Variants in FAM13A observed in about 807,000 individuals in gnomAD.
FAM13A encodes family with sequence similarity 13 member A.
FAM13A carries 76 observed loss-of-function variants against 129.6 expected under a neutral mutation model. The ratio of observed to expected loss-of-function variants is 0.59; its 90% CI spans 0.49 to 0.71. The LOEUF is 0.71. Ranked by LOEUF, FAM13A falls within the 30% of genes least tolerant of loss-of-function variation. FAM13A has a pLI of 0.00. For synonymous variants in FAM13A, 443 were observed against 449.9 expected (o/e 0.98, Z 0.20); for missense variants, 1,108 against 1,249.3 (o/e 0.89, Z 1.70).
intron 1 of FAM13A, among the ~76,000 whole-genome samples, chr4:89,052,759 G>A (rs2670623): frequency 0.83 from 126,766 of 151,912 alleles, 53,463 homozygotes; most frequent in African/African-American, 0.96. Flanking sequence ...ATTTTTAATA[G>A]TATCGATAGG....
intron 3 of FAM13A, among the ~76,000 whole-genome samples, chr4:88,994,745 T>C (rs1172961554): frequency 6.6e-6 from 1 of 151,338 alleles, no homozygotes; most frequent in Non-Finnish European, 1.5e-5. Context: ...GAGGCTGAAA[T>C]GGGAGGATCG....
At chr4:89,005,840 A>G (rs1379435172) in intron 3 of FAM13A, among the ~76,000 whole-genome samples, 1 of 152,012 alleles carries the variant, frequency 6.6e-6, no homozygotes, top group African/African-American at 2.4e-5. Context: ...GTTTGCAAAT[A>G]TTTTCTCCTA....
chr4:88,925,658 C>G (rs1340738939), intron 5 of FAM13A, among the ~76,000 whole-genome samples: 1 of 151,410 alleles, frequency 6.6e-6, no homozygotes, highest in East Asian at 1.9e-4. Context: ...CTAACCTGCA[C>G]ATTGTGCACA....
intron 6 of FAM13A, among the ~76,000 whole-genome samples, chr4:88,853,670 G>A (rs1391562322): frequency 1.3e-5 from 2 of 152,200 alleles, no homozygotes; most frequent in Non-Finnish European, 2.9e-5. Flanking sequence ...AATACTGAGT[G>A]TCAACTTGAT....
chr4:88,946,016 A>G (rs28758578), intron 4 of FAM13A, among the ~76,000 whole-genome samples: 2 of 118,956 alleles, frequency 1.7e-5, no homozygotes, highest in South Asian at 2.7e-4. Flanking sequence ...ATATATATAT[A>G]TATATATGTA....
intron 7 of FAM13A, among the ~76,000 whole-genome samples, chr4:88,845,378 C>A (rs1464225681): frequency 6.6e-6 from 1 of 151,898 alleles, no homozygotes; most frequent in Non-Finnish European, 1.5e-5. Flanking sequence ...GAGCTCAGGC[C>A]TGAGATACTG....
chr4:88,984,289 C>T (rs1483724572), intron 4 of FAM13A, among the ~76,000 whole-genome samples: 2 of 152,108 alleles, frequency 1.3e-5, no homozygotes, highest in Non-Finnish European at 2.9e-5. Flanking sequence ...AAAACAGATA[C>T]ATTGCACTCC....
chr4:88,791,765 A>G (rs573930535), intron 8 of FAM13A, among the ~76,000 whole-genome samples: 140 of 152,160 alleles, frequency 9.2e-4, no homozygotes, highest in Admixed American at 2.2e-3. Context: ...CTTGGGAATC[A>G]TCTGTCAGGT....
intron 4 of FAM13A, among the ~76,000 whole-genome samples, chr4:88,959,048 G>A (rs1169657398): frequency 6.6e-6 from 1 of 152,204 alleles, no homozygotes; most frequent in Non-Finnish European, 1.5e-5. Context: ...TAGAATGGTA[G>A]TGTTTACCTA....
At position 88,914,119 on chromosome 4, in the gene FAM13A, T is replaced by C. The variant is rs375121713; in HGVS notation, c.760-7657A>G. ...TCTACCCTGATTCCTCCCTTTCCCA[T>C]ACCTCTTGCATTCAACCCGCCAAGT... On this transcript the variant is annotated intron_variant, in intron 5 of 23. Transcript: ENST00000264344. 4.6e-5 allele frequency among the ~76,000 whole-genome samples: 7 copies of C among 152,130 alleles called. No homozygotes were observed. In the South Asian group the frequency reaches 6.2e-4, roughly 13 times the overall value.
intron 7 of FAM13A, among the ~76,000 whole-genome samples, chr4:88,833,072 G>C (rs1218360256): frequency 6.6e-6 from 1 of 152,120 alleles, no homozygotes; most frequent in Non-Finnish European, 1.5e-5. Flanking sequence ...AGATCATGTC[G>C]TTTTTAGGCA....
chr4:88,953,621 T>G (rs1757294438), intron 4 of FAM13A, among the ~76,000 whole-genome samples: 1 of 152,188 alleles, frequency 6.6e-6, no homozygotes, highest in African/African-American at 2.4e-5. Flanking sequence ...CTACACCCAT[T>G]AAGCAACTTC....
At chr4:88,928,380 T>C (rs955404340) in intron 5 of FAM13A, among the ~76,000 whole-genome samples, 3 of 152,124 alleles carry the variant, frequency 2.0e-5, no homozygotes, top group African/African-American at 7.2e-5. Context: ...TTAAATCTAA[T>C]GTTTCTTTGT....
At chr4:89,046,708 G>A (rs1253244249) in intron 1 of FAM13A, among the ~76,000 whole-genome samples, 5 of 152,048 alleles carry the variant, frequency 3.3e-5, no homozygotes, top group Admixed American at 6.6e-5. Flanking sequence ...AAAATTAGCC[G>A]GGTGTAGAGG....
chr4:89,013,335 C>CAT (rs543520649), intron 3 of FAM13A, among the ~76,000 whole-genome samples: 1 of 148,942 alleles, frequency 6.7e-6, no homozygotes, highest in Non-Finnish European at 1.5e-5. Context: ...AGTATATATA[C>CAT]ATATATATAA....
intron 12 of FAM13A, 34 bp from the exon 13 acceptor site, chr4:88,767,629 A>G: frequency 6.6e-7 from 1 of 1,507,750 alleles, no homozygotes; most frequent in Non-Finnish European, 9.1e-7. Context: ...AAAATCATAA[A>G]ATATCTACTT....
chr4:88,728,505 G>A lies in FAM13A; in HGVS notation c.*28C>T. The A allele has an allele frequency of 6.2e-7, 1 of 1,613,454 alleles. No homozygotes were observed. Among genetic ancestry groups the A allele is most frequent in the South Asian group, 1.1e-5 (1 of 91,058 alleles). The stretch of plus-strand genomic sequence containing the variant: ...GGGACAGTAAACTCTCACCGCAGCT[G>A]CCAGCCCCCTGTGCTTGGCCATGCC... On this transcript the variant is annotated 3_prime_UTR_variant, in exon 24 of 24. Coordinates refer to ENST00000264344, the MANE Select transcript of FAM13A (RefSeq NM_014883.4).
At chr4:88,975,343 G>A (rs367830592) in intron 4 of FAM13A, among the ~76,000 whole-genome samples, 2 of 152,134 alleles carry the variant, frequency 1.3e-5, no homozygotes, top group Non-Finnish European at 2.9e-5. Context: ...TATTACATAA[G>A]TGCACACACA....
At chr4:88,921,743 GAC>G (rs1751128366) in intron 5 of FAM13A, among the ~76,000 whole-genome samples, 1 of 152,140 alleles carries the variant, frequency 6.6e-6, no homozygotes, top group African/African-American at 2.4e-5. Context: ...CCAATTAAAA[GAC>G]ACAGACTGGC....
Sources: gnomAD v4.1 joint callset for allele counts (sites outside exome capture counted in the v4.1 genomes callset) on GRCh38, gnomAD v4.1.1 for gene constraint, MANE v1.5 for transcripts, NCBI Gene and HGNC (gene_info 2026-07-23, HGNC 2026-07-21) for gene names.